DCLRE1C: variants seen among roughly 807,000 people sequenced by gnomAD.
DCLRE1C encodes protein artemis.
Under a neutral mutation model 61.4 loss-of-function variants are expected in DCLRE1C, and 47 were observed. The ratio of observed to expected loss-of-function variants is 0.77; its 90% CI spans 0.61 to 0.98. The LOEUF is 0.98. Among genes scored for constraint, DCLRE1C ranks in the 50% least tolerant of loss-of-function variants. The probability of loss-of-function intolerance (pLI) is 0.00; values close to 1 mark genes in which losing one functional copy is unlikely to be tolerated. For synonymous variants in DCLRE1C, 337 were observed against 287.6 expected (o/e 1.17, Z -1.74); for missense variants, 858 against 816.0 (o/e 1.05, Z -0.63).
Position 14,942,878 on chromosome 10 carries a change from C to A in DCLRE1C, c.246+2227G>T, listed in dbSNP as rs546854465. ...TAGTGGCTCACACCTGTAATCCCAGCCCTTGGGTGGCCGAGGCGGGAGGAT... is the reference window on the plus strand; with the variant it reads ...TAGTGGCTCACACCTGTAATCCCAGACCTTGGGTGGCCGAGGCGGGAGGAT... On this transcript the variant is annotated intron_variant, in intron 3 of 13. Transcript: ENST00000378278. Among the ~76,000 whole-genome samples the A allele has an allele frequency of 1.9e-3, 285 of 152,234 alleles. 1 individual carries two copies. Among genetic ancestry groups the A allele is most frequent in the African/African-American group, 6.5e-3 (271 of 41,550 alleles).
chr10:14,912,765 A>G (rs1302881314), intron 13 of DCLRE1C, among the ~76,000 whole-genome samples: 1 of 152,200 alleles, frequency 6.6e-6, no homozygotes, highest in East Asian at 1.9e-4. Context: ...TCTCACTGCA[A>G]GCTCTGCCTC....
At position 14,926,840 on chromosome 10, in the gene DCLRE1C, T is replaced by C; in HGVS notation, c.972+3A>G. 6.2e-7 allele frequency: 1 copy of C among 1,612,340 alleles called. No homozygotes were observed. Among genetic ancestry groups the C allele is most frequent in the Non-Finnish European group, 8.5e-7 (1 of 1,178,470 alleles). ...GGGTTATGAGTATATGGGATCCTCT[T>C]ACCTCACTGTAGGAGGAGTGAAAAG... On this transcript the variant is annotated splice_donor_region_variant and intron_variant, in intron 11 of 13. Transcript: ENST00000378278.
rs766549429 is a variant in DCLRE1C, at chr10:14,908,831, G to A, written c.1656C>T (p.Asp552=). The A allele has an allele frequency of 3.7e-6, 6 of 1,614,104 alleles. No homozygotes were observed. The African/African-American group carries it at 5.3e-5, about 14-fold the overall frequency. Residue 552 remains aspartate (D), a synonymous_variant, in exon 14 of 14, where the codon GAC becomes GAT. Coordinates refer to ENST00000378278, the MANE Select transcript of DCLRE1C (RefSeq NM_001033855.3). ...ATAACAAAACAGTATCAGATTGGCT[G>A]TCCCAGCCTTGACTTCCTTGTTCTG... The part of the protein sequence containing the change: ...HITEQGSQGW[D]SQSDTVLLSS...
chr10:14,946,060 T>G (rs1052166726), intron 2 of DCLRE1C, among the ~76,000 whole-genome samples: 2 of 150,456 alleles, frequency 1.3e-5, no homozygotes, highest in African/African-American at 4.9e-5. Flanking sequence ...CAGGCTGGAG[T>G]GCGGTGGCGC....
chr10:14,934,859 G>A (rs1372223708), intron 6 of DCLRE1C, 84 bp from the exon 7 acceptor site: 37 of 964,426 alleles, frequency 3.8e-5, no homozygotes, highest in Admixed American at 5.3e-5. Flanking sequence ...ATGGAGTTTC[G>A]CTCTGTTGCC....
At position 14,945,132 on chromosome 10, in the gene DCLRE1C, C is replaced by G. The variant is rs147784627; in HGVS notation, c.219G>C (p.Pro73=). The change falls in exon 3 of 14, where the codon CCG becomes CCC. Residue 73 remains proline (P), a synonymous_variant. Coordinates refer to ENST00000378278, the MANE Select transcript of DCLRE1C (RefSeq NM_001033855.3). The part of the protein sequence containing the change: ...PVTKELLLTS[P]KYRFWKKRII... ...TTCGTTTCTTCCAAAATCTGTATTT[C>G]GGGCTCGTTAACAACAACTCCTTAG... 1.9e-6 allele frequency: 3 copies of G among 1,612,676 alleles called. No homozygotes were observed. In the South Asian group the frequency reaches 3.3e-5, roughly 18 times the overall value.
rs200299509 is a variant in DCLRE1C, at chr10:14,928,273, A to AAAT, written c.781-122_781-121insATT. On this transcript the variant is annotated intron_variant, in intron 9 of 13. Coordinates refer to ENST00000378278, the MANE Select transcript of DCLRE1C (RefSeq NM_001033855.3). ...CACGAAAAAATAAAAAATAAAAAAAAAGCAGCAAAACAATGTAGACATGAA... is the reference window on the plus strand; with the variant it reads ...CACGAAAAAATAAAAAATAAAAAAAAAATAGCAGCAAAACAATGTAGACATGAA... The AAAT allele has an allele frequency of 5.7e-3, 5,026 of 886,698 alleles. 184 individuals are homozygous for AAAT. The African/African-American group carries it at 0.073, about 13-fold the overall frequency. 54.9% of individuals were successfully genotyped at this position (886,698 alleles called of 1,614,324 possible).
At chr10:14,923,992 C>G (rs1837544539) in intron 11 of DCLRE1C, among the ~76,000 whole-genome samples, 2 of 152,242 alleles carry the variant, frequency 1.3e-5, no homozygotes, top group South Asian at 4.1e-4. Context: ...CAACCCTCTC[C>G]TGCCACACAG....
downstream of DCLRE1C, chr10:14,899,646 G>A (rs777832782): frequency 3.1e-6 from 5 of 1,613,928 alleles, no homozygotes; most frequent in Non-Finnish European, 4.2e-6. Context: ...CAGTGGATGC[G>A]GCTCGATACG....
At chr10:14,923,515 C>G (rs973084198) in intron 11 of DCLRE1C, 6 of 203,028 alleles carry the variant, frequency 3.0e-5, no homozygotes, top group African/African-American at 1.2e-4. Context: ...CTCAGAATTG[C>G]ATTTCTTAGC....
chr10:14,947,256 T>C (rs182493152), intron 2 of DCLRE1C, among the ~76,000 whole-genome samples: 1 of 152,060 alleles, frequency 6.6e-6, no homozygotes, highest in Non-Finnish European at 1.5e-5. Context: ...ACATGCCAAA[T>C]GGTTCTAGCC....
At chr10:14,931,719 T>G (rs970789076) in intron 9 of DCLRE1C, among the ~76,000 whole-genome samples, 2 of 151,948 alleles carry the variant, frequency 1.3e-5, no homozygotes, top group African/African-American at 2.4e-5. Context: ...AAGAAAAAGT[T>G]TATAAACACG....
At chr10:14,942,543 C>A (rs1424870421) in intron 3 of DCLRE1C, 1 of 152,236 alleles carries the variant, frequency 6.6e-6, no homozygotes, top group Non-Finnish European at 1.5e-5. Flanking sequence ...TACTCACACA[C>A]GCATGCACAT....
intron 13 of DCLRE1C, among the ~76,000 whole-genome samples, chr10:14,915,777 C>T (rs752810832): frequency 1.3e-5 from 2 of 152,010 alleles, no homozygotes; most frequent in South Asian, 4.1e-4. Context: ...AAACACCTCA[C>T]AACAATGAGG....
intron 13 of DCLRE1C, among the ~76,000 whole-genome samples, chr10:14,916,499 G>T (rs892999761): frequency 6.6e-6 from 1 of 152,178 alleles, no homozygotes; most frequent in Non-Finnish European, 1.5e-5. Context: ...TAGATTTTCT[G>T]ATTAAAGAGG....
At chr10:14,901,284 T>A (rs1304863319), downstream of DCLRE1C, 1 of 1,613,008 alleles carries the variant, frequency 6.2e-7, no homozygotes, top group Admixed American at 1.7e-5. Context: ...AAGTACAGTT[T>A]CATTGGTGTC....
rs1410763840 is a variant in DCLRE1C, at chr10:14,908,071, G to C, written c.*337C>G. 1.2e-5 allele frequency: 3 copies of C among 245,696 alleles called. No individual in the cohort carries two copies. In the Admixed American group the frequency reaches 1.6e-4, roughly 13 times the overall value. The allele number at this position is 245,696 out of a possible 1,614,324, so 15.2% of individuals were successfully genotyped here. On this transcript the variant is annotated 3_prime_UTR_variant, in exon 14 of 14. Coordinates refer to ENST00000378278, the MANE Select transcript of DCLRE1C (RefSeq NM_001033855.3). ...GTCTTGCTCTGTCACCCAGACTAGA[G>C]GTGCAGTGGCACAGTCATGGCTCAC...
intron 1 of DCLRE1C, among the ~76,000 whole-genome samples, chr10:14,950,746 C>A (rs536178196): frequency 6.6e-6 from 1 of 152,332 alleles, no homozygotes; most frequent in South Asian, 2.1e-4. Flanking sequence ...CAGCACCCTG[C>A]ATGGTGCATC....
At chr10:14,921,306 C>T (rs1040370687) in intron 12 of DCLRE1C, among the ~76,000 whole-genome samples, 30 of 151,356 alleles carry the variant, frequency 2.0e-4, no homozygotes, top group African/African-American at 6.8e-4. Flanking sequence ...GGTGACAGAG[C>T]GAGACTCCAT....
Sources: allele counts gnomAD v4.1 joint callset (sites outside exome capture counted in the v4.1 genomes callset), GRCh38; gene constraint gnomAD v4.1.1; transcripts MANE v1.5; gene names NCBI Gene and HGNC (gene_info 2026-07-23, HGNC 2026-07-21).